Variants in ATP9B observed in about 807,000 individuals in gnomAD.
ATP9B encodes the protein probable phospholipid-transporting ATPase IIB.
Under a neutral mutation model 146.1 loss-of-function variants are expected in ATP9B, and 110 were observed. The ratio of observed to expected loss-of-function variants is 0.75; its 90% CI spans 0.65 to 0.88. ATP9B has a LOEUF of 0.88. Among genes scored for constraint, ATP9B ranks in the 40% least tolerant of loss-of-function variants. The pLI, the probability that ATP9B is intolerant of heterozygous loss-of-function variation, is 0.00. For synonymous variants in ATP9B, 604 were observed against 569.7 expected (o/e 1.06, Z -0.86); for missense variants, 1,499 against 1,496.4 (o/e 1.00, Z -0.03).
intron 11 of ATP9B, among the ~76,000 whole-genome samples, chr18:79,226,793 C>T (rs373675513): frequency 1.3e-5 from 2 of 152,302 alleles, no homozygotes; most frequent in South Asian, 2.1e-4. Flanking sequence ...TTGCAGTGCT[C>T]TACGGGATAA....
At chr18:79,267,427 A>G (rs2096214300) in intron 12 of ATP9B, among the ~76,000 whole-genome samples, 2 of 151,662 alleles carry the variant, frequency 1.3e-5, no homozygotes, top group Non-Finnish European at 1.5e-5. Context: ...ATGTTTTCTT[A>G]CTTATCTATT....
chr18:79,158,525 T>G (rs1029410924), intron 7 of ATP9B, among the ~76,000 whole-genome samples: 23 of 152,194 alleles, frequency 1.5e-4, no homozygotes, highest in Non-Finnish European at 3.1e-4. Context: ...CCACCTGGCC[T>G]CACGTGATCC....
At chr18:79,071,236 C>T (rs1158483637) in intron 1 of ATP9B, among the ~76,000 whole-genome samples, 2 of 151,384 alleles carry the variant, frequency 1.3e-5, no homozygotes, top group Non-Finnish European at 2.9e-5. Flanking sequence ...TGTGGAAACC[C>T]TTCTTTCACT....
chr18:79,125,337 T>G (rs1440232020), intron 4 of ATP9B, among the ~76,000 whole-genome samples: 6 of 152,122 alleles, frequency 3.9e-5, no homozygotes, highest in Non-Finnish European at 8.8e-5. Context: ...GGAAAGAGAC[T>G]AGAAGAATCC....
intron 12 of ATP9B, among the ~76,000 whole-genome samples, chr18:79,255,827 G>C (rs945136791): frequency 6.6e-6 from 1 of 152,196 alleles, no homozygotes; most frequent in Admixed American, 6.5e-5. Context: ...TTTTTCTCCT[G>C]TGGAGCAAAT....
chr18:79,269,924 C>T (rs1225271175), intron 12 of ATP9B, among the ~76,000 whole-genome samples: 1 of 152,202 alleles, frequency 6.6e-6, no homozygotes, highest in African/African-American at 2.4e-5. Context: ...GTTAGTGTTA[C>T]CATTGGATAG....
At chr18:79,231,826 T>C (rs1483239689) in intron 11 of ATP9B, among the ~76,000 whole-genome samples, 3 of 143,598 alleles carry the variant, frequency 2.1e-5, no homozygotes, top group Non-Finnish European at 3.0e-5. Context: ...CATGGAATAC[T>C]GCTCAGCCAT....
rs117457629 is a variant in ATP9B, at chr18:79,303,512, A to G, written c.1412-92A>G. 8.9e-3 allele frequency: 8,613 copies of G among 964,944 alleles called. 56 individuals carry two copies. The highest frequency in any genetic ancestry group is 0.011 in the Non-Finnish European group (6,906 of 611,658). 59.8% of individuals were successfully genotyped at this position (964,944 alleles called of 1,614,324 possible). ...TTGGGCATCCCAGCTGCTTCAGCCC[A>G]TGAATGTGCAGCATGCCTGCATGGT... On this transcript the variant is annotated intron_variant, in intron 13 of 29. Transcript: ENST00000426216.
At chr18:79,245,297 C>A (rs1423930749) in intron 11 of ATP9B, among the ~76,000 whole-genome samples, 2 of 152,194 alleles carry the variant, frequency 1.3e-5, no homozygotes, top group Non-Finnish European at 2.9e-5. Flanking sequence ...AATGCCACTT[C>A]TATGAATGAT....
At chr18:79,119,108 CTG>C (rs35334798) in intron 4 of ATP9B, among the ~76,000 whole-genome samples, 19,989 of 150,500 alleles carry the variant, frequency 0.13, 1,899 homozygotes, top group African/African-American at 0.27. Flanking sequence ...TGGGTTAAAA[CTG>C]TTTTAACTTA....
rs143300776 is a variant in ATP9B at position 79,155,612 on chromosome 18, CTCA to C, written c.778+1062_778+1064del. Among the ~76,000 whole-genome samples, 721 of 152,142 alleles carry C rather than the reference CTCA, an allele frequency of 4.7e-3. 3 individuals are homozygous for C. The highest frequency in any genetic ancestry group is 0.024 in the South Asian group (116 of 4,816). ...AGCATGTTATTATTTTTATTAAAAA[CTCA>C]TCATATATCTTATTTCTAATGTGAA... On this transcript the variant is annotated intron_variant, in intron 7 of 29. Transcript: ENST00000426216.
chr18:79,161,459 G>A (rs1404942487), intron 7 of ATP9B, among the ~76,000 whole-genome samples: 1 of 152,182 alleles, frequency 6.6e-6, no homozygotes, highest in East Asian at 1.9e-4. Flanking sequence ...GGGCCCTGCT[G>A]TAGTTTGTTT....
chr18:79,359,191 C>T (rs1462196945), intron 25 of ATP9B, among the ~76,000 whole-genome samples, 163 bp from the exon 26 acceptor site: 2 of 152,102 alleles, frequency 1.3e-5, no homozygotes, highest in South Asian at 2.1e-4. Flanking sequence ...GAGATAAATA[C>T]TCAGTCTCCG....
intron 10 of ATP9B, among the ~76,000 whole-genome samples, chr18:79,209,192 C>G (rs539337340): frequency 1.3e-5 from 2 of 152,304 alleles, no homozygotes; most frequent in Non-Finnish European, 2.9e-5. Flanking sequence ...AGCCAGTGTC[C>G]TTGAGTGCTC....
intron 1 of ATP9B, among the ~76,000 whole-genome samples, chr18:79,092,565 C>T (rs1372235934): frequency 6.9e-6 from 1 of 145,486 alleles, no homozygotes; most frequent in African/African-American, 2.5e-5. Flanking sequence ...TATTGTTGCA[C>T]AAAAATATTT....
chr18:79,087,936 C>T (rs1244646564), intron 1 of ATP9B, among the ~76,000 whole-genome samples: 1 of 152,052 alleles, frequency 6.6e-6, no homozygotes, highest in African/African-American at 2.4e-5. Context: ...TTGCTGGAAA[C>T]GTTGATTTTT....
intron 1 of ATP9B, among the ~76,000 whole-genome samples, chr18:79,095,915 G>A (rs913957139): frequency 1.3e-5 from 2 of 152,172 alleles, no homozygotes; most frequent in East Asian, 1.9e-4. Flanking sequence ...ATTGAATAGC[G>A]CATTTTAGTG....
chr18:79,203,092 A>G (rs2095503076), intron 9 of ATP9B, among the ~76,000 whole-genome samples: 1 of 152,230 alleles, frequency 6.6e-6, no homozygotes, highest in African/African-American at 2.4e-5. Context: ...TGAAGTCACG[A>G]TGGGCATCTT....
chr18:79,126,843 A>C (rs2094295284), intron 5 of ATP9B, among the ~76,000 whole-genome samples: 1 of 152,218 alleles, frequency 6.6e-6, no homozygotes. Flanking sequence ...ATGCAAGCAC[A>C]CTTCTCCTTA....
Sources: allele counts gnomAD v4.1 joint callset (sites outside exome capture counted in the v4.1 genomes callset), GRCh38; gene constraint gnomAD v4.1.1; transcripts MANE v1.5; gene names NCBI Gene and HGNC (gene_info 2026-07-23, HGNC 2026-07-21).